CMTM3: variants seen among roughly 807,000 people sequenced by gnomAD.
CMTM3 encodes the protein CKLF-like MARVEL transmembrane domain-containing protein 3.
CMTM3 carries 7 observed loss-of-function variants against 18.2 expected under a neutral mutation model. The ratio of observed to expected loss-of-function variants is 0.38; its 90% CI spans 0.22 to 0.72. The LOEUF (loss-of-function observed/expected upper bound fraction) is 0.72. CMTM3 is among the 30% of genes least tolerant of loss of function. The pLI is 0.46. For synonymous variants in CMTM3, 109 were observed against 111.2 expected, an observed-to-expected ratio of 0.98 and a Z score of 0.12; for missense variants, 227 against 249.2, an observed-to-expected ratio of 0.91 and a Z score of 0.60.
At position 66,610,704 on chromosome 16, in the gene CMTM3, G is replaced by A. The variant is rs990119281; in HGVS notation, c.520+701G>A. 7 of 397,454 alleles carry A rather than the reference G, an allele frequency of 1.8e-5. No homozygotes were observed. The highest frequency in any genetic ancestry group is 1.4e-4 in the South Asian group (1 of 7,314). The allele number at this position is 397,454 out of a possible 1,614,324, so 24.6% of individuals were successfully genotyped here. On this transcript the variant is annotated intron_variant, in intron 4 of 4. Coordinates refer to ENST00000567572, the MANE Select transcript of CMTM3 (RefSeq NM_181553.4). This position sits in a 1 kb window ranked among gnomAD's most constrained non-coding sequence, Gnocchi z 4.6. Reference sequence around the variant, plus strand: ...GGGGAGATGCTTCTCTGGACCAGGCGGATGTGCCCCTGTGCTGGCAGTGCC... The same window carrying A: ...GGGGAGATGCTTCTCTGGACCAGGCAGATGTGCCCCTGTGCTGGCAGTGCC...
chr16:66,606,801 T>A (rs1253216518), intron 1 of CMTM3, among the ~76,000 whole-genome samples: 2 of 152,200 alleles, frequency 1.3e-5, no homozygotes, highest in Non-Finnish European at 2.9e-5. Context: ...GAGACCAGCC[T>A]GGCCAGCATG....
chr16:66,608,591 G>C lies in CMTM3; in HGVS notation c.303+127G>C. On this transcript the variant is annotated intron_variant, in intron 2 of 4. Coordinates refer to ENST00000567572, the MANE Select transcript of CMTM3 (RefSeq NM_181553.4). The surrounding 1 kb of genome is among the most constrained non-coding windows in gnomAD (Gnocchi z 5.1). ...TGGAGTTTGCAGTTGGTTAGAACTGGATGGAGAGACCCAGCTTCAGATCAT... is the reference window on the plus strand; with the variant it reads ...TGGAGTTTGCAGTTGGTTAGAACTGCATGGAGAGACCCAGCTTCAGATCAT... 1.1e-6 allele frequency: 1 copy of C among 893,216 alleles called. No individual in the cohort carries two copies. Among genetic ancestry groups the C allele is most frequent in the Non-Finnish European group, 1.7e-6 (1 of 593,108 alleles). The allele number at this position is 893,216 out of a possible 1,614,324, so 55.3% of individuals were successfully genotyped here. A position where few individuals can be genotyped will look rare whatever the true frequency, so the allele number is the denominator to read the frequency against.
Position 66,613,709 on chromosome 16 carries a change from C to G in CMTM3, c.*1072C>G, listed in dbSNP as rs2015469223. ...TATTCTCTTGCGTGTGAATCTCTTA[C>G]CCTGAAAAAAAGCCATAATGAATTA... On this transcript the variant is annotated 3_prime_UTR_variant, in exon 5 of 5. Transcript: ENST00000567572. The G allele has an allele frequency of 6.6e-6, 1 of 152,352 alleles. No individual in the cohort carries two copies. Among genetic ancestry groups the G allele is most frequent in the Admixed American group, 6.5e-5 (1 of 15,298 alleles). The allele number at this position is 152,352 out of a possible 1,614,324, so 9.4% of individuals were successfully genotyped here.
In CMTM3 at chr16:66,609,334, G is replaced by T. The variant is rs2015280947; in HGVS notation, c.304-101G>T. The T allele has an allele frequency of 6.0e-6, 6 of 998,978 alleles. No individual in the cohort carries two copies. The South Asian group carries it at 7.2e-5, about 12-fold the overall frequency. The allele number at this position is 998,978 out of a possible 1,614,324, so 61.9% of individuals were successfully genotyped here. A position where few individuals can be genotyped will look rare whatever the true frequency, so the allele number is the denominator to read the frequency against. ...GCCAGGATGGGATAGGAGCCCTCAG[G>T]TGCTAGGCCTGGGGCTGGGAACACG... On this transcript the variant is annotated intron_variant, in intron 2 of 4. Transcript: ENST00000567572. This position sits in a 1 kb window ranked among gnomAD's most constrained non-coding sequence, Gnocchi z 4.4.
chr16:66,612,300 G>A lies in CMTM3; in HGVS notation c.521-309G>A, dbSNP rs1188639300. Among the ~76,000 whole-genome samples the A allele has an allele frequency of 4.6e-5, 7 of 152,140 alleles. No homozygotes were observed. Among genetic ancestry groups the A allele is most frequent in the African/African-American group, 1.4e-4 (6 of 41,440 alleles). ...ACACGCTTATAATCCCAGCTACTCG[G>A]GAGGGAGGAAGTTGCAGTGAGTCGA... On this transcript the variant is annotated intron_variant, in intron 4 of 4. Transcript: ENST00000567572. The surrounding 1 kb of genome is among the most constrained non-coding windows in gnomAD (Gnocchi z 6.0).
At chr16:66,607,244 A>G (rs1463925906) in intron 1 of CMTM3, among the ~76,000 whole-genome samples, 1 of 152,218 alleles carries the variant, frequency 6.6e-6, no homozygotes, top group Non-Finnish European at 1.5e-5. Flanking sequence ...CCCAGGGCTC[A>G]ACATCCTCCT....
chr16:66,606,573 G>A (rs1373812571), intron 1 of CMTM3, among the ~76,000 whole-genome samples: 1 of 152,160 alleles, frequency 6.6e-6, no homozygotes, highest in East Asian at 1.9e-4. Context: ...GGGCATCTGG[G>A]TGTCCCCATG....
In CMTM3 at chr16:66,610,954, G is replaced by A. The variant is rs1250867147; in HGVS notation, c.520+951G>A. 1.8e-5 allele frequency: 7 copies of A among 398,374 alleles called. No individual in the cohort carries two copies. The Admixed American group carries it at 3.1e-4, about 18-fold the overall frequency. 24.7% of individuals were successfully genotyped at this position (398,374 alleles called of 1,614,324 possible). On this transcript the variant is annotated intron_variant, in intron 4 of 4. Coordinates refer to ENST00000567572, the MANE Select transcript of CMTM3 (RefSeq NM_181553.4). The surrounding 1 kb of genome is among the most constrained non-coding windows in gnomAD (Gnocchi z 4.6). Reference sequence around the variant, plus strand: ...GTCCCTTGGCAAATATTAGGTTAGAGCTCCCAGGCGGTTTCCTCAGGCTCT... The same window carrying A: ...GTCCCTTGGCAAATATTAGGTTAGAACTCCCAGGCGGTTTCCTCAGGCTCT...
chr16:66,605,935 G>A lies in CMTM3; in HGVS notation c.147+983G>A, dbSNP rs1231798430. On this transcript the variant is annotated intron_variant, in intron 1 of 4. Transcript: ENST00000567572. The surrounding 1 kb of genome is among the most constrained non-coding windows in gnomAD (Gnocchi z 4.6). ...AAGTGAGACACCAATGCCACACTCCGAGCCCACACTCCCAGCCCCACCCTG... is the reference window on the plus strand; with the variant it reads ...AAGTGAGACACCAATGCCACACTCCAAGCCCACACTCCCAGCCCCACCCTG... Among the ~76,000 whole-genome samples the A allele has an allele frequency of 1.3e-5, 2 of 151,986 alleles. No individual in the cohort carries two copies. Among genetic ancestry groups the A allele is most frequent in the East Asian group, 1.9e-4 (1 of 5,162 alleles).
chr16:66,607,875 CT>C (rs1457727839), intron 1 of CMTM3, among the ~76,000 whole-genome samples: 1 of 151,408 alleles, frequency 6.6e-6, no homozygotes, highest in Non-Finnish European at 1.5e-5. Context: ...CAGGGTCTCT[CT>C]CTCTCTCACC....
In CMTM3 at chr16:66,605,016, T is replaced by G; in HGVS notation, c.147+64T>G. On this transcript the variant is annotated intron_variant, in intron 1 of 4. Transcript: ENST00000567572. The surrounding 1 kb of genome is among the most constrained non-coding windows in gnomAD (Gnocchi z 4.6). The stretch of plus-strand genomic sequence containing the variant: ...GCGCGGCTCCTTTCGGAGGAGGACG[T>G]CGGGGCGCGGGTGGGGTCCGGGGGC... The G allele has an allele frequency of 7.4e-7, 1 of 1,347,206 alleles. No individual in the cohort carries two copies. The highest frequency in any genetic ancestry group is 3.2e-5 in the East Asian group (1 of 31,716). 83.5% of individuals were successfully genotyped at this position (1,347,206 alleles called of 1,614,324 possible).
chr16:66,606,345 A>G (rs2015153280), intron 1 of CMTM3, among the ~76,000 whole-genome samples: 1 of 152,156 alleles, frequency 6.6e-6, no homozygotes, highest in Non-Finnish European at 1.5e-5. Flanking sequence ...GTGCAGGCAT[A>G]GGAGACAGGA....
intron 4 of CMTM3, among the ~76,000 whole-genome samples, chr16:66,611,618 CAG>C (rs1434411775): frequency 6.6e-6 from 1 of 152,044 alleles, no homozygotes; most frequent in African/African-American, 2.4e-5. Context: ...TTCTGAGAGA[CAG>C]AGGCTGGCCA....
In CMTM3 at chr16:66,609,578, C is replaced by T; in HGVS notation, c.399+48C>T. 2 of 1,544,738 alleles carry T rather than the reference C, an allele frequency of 1.3e-6. No homozygotes were observed. The highest frequency in any genetic ancestry group is 8.8e-7 in the Non-Finnish European group (1 of 1,138,924). ...TGGAAACTGCAGATGCCCCTCTAGC[C>T]CCTCATTTAGGGTGGGACCTGGGGC... is the stretch of plus-strand genomic sequence containing the variant. On this transcript the variant is annotated intron_variant, in intron 3 of 4. Coordinates refer to ENST00000567572, the MANE Select transcript of CMTM3 (RefSeq NM_181553.4). The surrounding 1 kb of genome is among the most constrained non-coding windows in gnomAD (Gnocchi z 4.4).
rs925110325 is a variant in CMTM3 at position 66,613,276 on chromosome 16, G to A, written c.*639G>A. On this transcript the variant is annotated 3_prime_UTR_variant, in exon 5 of 5. Coordinates refer to ENST00000567572, the MANE Select transcript of CMTM3 (RefSeq NM_181553.4). ...TGGAAACCATGTCTTCTGGGGGTGAGATGACCATTCTGGGTCTAAGACTGT... is the reference window on the plus strand; with the variant it reads ...TGGAAACCATGTCTTCTGGGGGTGAAATGACCATTCTGGGTCTAAGACTGT... 4.8e-6 allele frequency: 3 copies of A among 630,544 alleles called. No homozygotes were observed. The African/African-American group carries it at 5.5e-5, about 11-fold the overall frequency. The allele number at this position is 630,544 out of a possible 1,614,324, so 39.1% of individuals were successfully genotyped here.
intron 1 of CMTM3, among the ~76,000 whole-genome samples, chr16:66,607,852 G>A (rs2015218082): frequency 6.6e-6 from 1 of 151,400 alleles, no homozygotes; most frequent in Non-Finnish European, 1.5e-5. Flanking sequence ...TTTTTTGTAG[G>A]GGCGGGTGCG....
intron 1 of CMTM3, among the ~76,000 whole-genome samples, chr16:66,607,585 TTTTTC>T (rs2015204658): frequency 1.3e-5 from 2 of 152,216 alleles, no homozygotes. Context: ...GGTTCAAGGT[TTTTTC>T]TTTTCAAGGT....
In CMTM3 at chr16:66,610,731, G is replaced by A. The variant is rs1317238536; in HGVS notation, c.520+728G>A. 3 of 398,288 alleles carry A rather than the reference G, an allele frequency of 7.5e-6. No individual in the cohort carries two copies. The highest frequency in any genetic ancestry group is 1.3e-5 in the Non-Finnish European group (3 of 226,244). 24.7% of individuals were successfully genotyped at this position (398,288 alleles called of 1,614,324 possible). A position where few individuals can be genotyped will look rare whatever the true frequency, so the allele number is the denominator to read the frequency against. On this transcript the variant is annotated intron_variant, in intron 4 of 4. Coordinates refer to ENST00000567572, the MANE Select transcript of CMTM3 (RefSeq NM_181553.4). The surrounding 1 kb of genome is among the most constrained non-coding windows in gnomAD (Gnocchi z 4.6). ...ATGTGCCCCTGTGCTGGCAGTGCCT[G>A]TGGCTGGACAGGTAGACAAGGGCAG...
chr16:66,606,532 T>C (rs542928996), intron 1 of CMTM3, among the ~76,000 whole-genome samples: 1 of 152,258 alleles, frequency 6.6e-6, no homozygotes, highest in African/African-American at 2.4e-5. Context: ...CTGCAGTTCA[T>C]TTGTCTGAAG....
Sources: allele counts gnomAD v4.1 joint callset (sites outside exome capture counted in the v4.1 genomes callset), GRCh38; gene constraint gnomAD v4.1.1; non-coding constraint Gnocchi (gnomAD v3.1); transcripts MANE v1.5; gene names NCBI Gene and HGNC (gene_info 2026-07-23, HGNC 2026-07-21).